AKAIN1: variants seen among roughly 807,000 people sequenced by gnomAD.
AKAIN1 encodes A-kinase anchor protein inhibitor 1.
AKAIN1 carries 3 observed loss-of-function variants against 3.7 expected under a neutral mutation model. The observed-to-expected ratio is 0.82, with a 90% CI of 0.37 to 2.12. AKAIN1 has a LOEUF of 2.12. Ranked by LOEUF, AKAIN1 falls within the 30% of genes most tolerant of loss-of-function variation. The pLI, the probability that AKAIN1 is intolerant of heterozygous loss-of-function variation, is 0.06. For missense variants in AKAIN1, 82 were observed against 82.7 expected (o/e 0.99, Z 0.03); for synonymous variants, 31 against 30.8 (o/e 1.01, Z -0.02).
rs1039900481 is a variant in AKAIN1, at chr18:5,192,583, C to T, written c.16+4455G>A. 7.6e-4 allele frequency among the ~76,000 whole-genome samples: 115 copies of T among 152,126 alleles called. 1 individual carries two copies. Among genetic ancestry groups the T allele is most frequent in the African/African-American group, 2.7e-3 (110 of 41,490 alleles). ...GAGAAAGTGGGCCCTCTCCACACAT[C>T]GAATCTGCCAACATCTTGGACTTGG... On this transcript the variant is annotated intron_variant, in intron 1 of 1. Coordinates refer to ENST00000434239, the MANE Select transcript of AKAIN1 (RefSeq NM_001145194.2).
At position 5,163,657 on chromosome 18, in the gene AKAIN1, A is replaced by G. The variant is rs190626410; in HGVS notation, c.17-17902T>C. The G allele has an allele frequency of 2.5e-3, 387 of 152,174 alleles. 3 individuals are homozygous for G. Among genetic ancestry groups the G allele is most frequent in the African/African-American group, 8.9e-3 (369 of 41,556 alleles). 9.4% of individuals were successfully genotyped at this position (152,174 alleles called of 1,614,324 possible). On this transcript the variant is annotated intron_variant, in intron 1 of 1. Coordinates refer to ENST00000434239, the MANE Select transcript of AKAIN1 (RefSeq NM_001145194.2). ...ATATGCTTGAAATTCCTTGTATGTT[A>G]AAGTCATGTTGTCTTCTTGGCAGCC...
chr18:5,182,363 T>A lies in AKAIN1; in HGVS notation c.16+14675A>T, dbSNP rs73943141. On this transcript the variant is annotated intron_variant, in intron 1 of 1. Transcript: ENST00000434239. ...CTCTTTAAAACAACAATAACATCAG[T>A]AATAGCTTCCATTTAGCCGACCGTG... 7.8e-3 allele frequency among the ~76,000 whole-genome samples: 1,185 copies of A among 152,236 alleles called. 12 individuals carry two copies. The highest frequency in any genetic ancestry group is 0.026 in the African/African-American group (1,095 of 41,562).
chr18:5,192,427 TTCTTTCTTTCTTTC>T (rs1267990463), intron 1 of AKAIN1, among the ~76,000 whole-genome samples: 245 of 119,754 alleles, frequency 2.0e-3, no homozygotes, highest in Middle Eastern at 7.6e-3. Context: ...CTTTCTTTCT[TTCTTTCTTTCTTTC>T]TTTCTTTTTC....
At chr18:5,186,099 T>G (rs183088198) in intron 1 of AKAIN1, among the ~76,000 whole-genome samples, 3 of 152,260 alleles carry the variant, frequency 2.0e-5, no homozygotes, top group Non-Finnish European at 2.9e-5. Flanking sequence ...GAGGCCATTA[T>G]CATAAGTAAA....
At chr18:5,151,142 C>A (rs1168257140) in intron 1 of AKAIN1, among the ~76,000 whole-genome samples, 1 of 152,174 alleles carries the variant, frequency 6.6e-6, no homozygotes, top group Non-Finnish European at 1.5e-5. Flanking sequence ...TGCACACACA[C>A]TGTAATACAC....
intron 1 of AKAIN1, among the ~76,000 whole-genome samples, chr18:5,195,242 C>G (rs557351247): frequency 6.6e-6 from 1 of 152,284 alleles, no homozygotes; most frequent in South Asian, 2.1e-4. Flanking sequence ...ACTTTCCACA[C>G]AGAACAAAAC....
At chr18:5,149,538 G>A (rs145452076) in intron 1 of AKAIN1, among the ~76,000 whole-genome samples, 10 of 152,272 alleles carry the variant, frequency 6.6e-5, no homozygotes, top group Non-Finnish European at 1.2e-4. Flanking sequence ...TGCCATGAGC[G>A]AGCCTCGTCT....
rs566242033 is a variant in AKAIN1 at position 5,181,858 on chromosome 18, T to C, written c.16+15180A>G. Among the ~76,000 whole-genome samples, 5 of 152,244 alleles carry C rather than the reference T, an allele frequency of 3.3e-5. No homozygotes were observed. The South Asian group carries it at 1.0e-3, about 32-fold the overall frequency. ...CTGGCTCTGATATAAGACCACAGGA[T>C]GGTAATGTAGGTCCTAATACCTCAC... On this transcript the variant is annotated intron_variant, in intron 1 of 1. Coordinates refer to ENST00000434239, the MANE Select transcript of AKAIN1 (RefSeq NM_001145194.2).
intron 1 of AKAIN1, chr18:5,170,571 A>G (rs1419918776): frequency 6.6e-6 from 1 of 152,112 alleles, no homozygotes; most frequent in Non-Finnish European, 1.5e-5. Context: ...CTTATATTTT[A>G]TGTGTGTGTT....
At chr18:5,179,575 T>C (rs1782229831) in intron 1 of AKAIN1, among the ~76,000 whole-genome samples, 1 of 152,140 alleles carries the variant, frequency 6.6e-6, no homozygotes, top group Admixed American at 6.6e-5. Flanking sequence ...AATGATTTAT[T>C]TTCCTTTAGG....
At chr18:5,169,963 T>A (rs565981129) in intron 1 of AKAIN1, among the ~76,000 whole-genome samples, 5 of 152,286 alleles carry the variant, frequency 3.3e-5, no homozygotes, top group African/African-American at 1.2e-4. Flanking sequence ...TTTTAATAAC[T>A]ATAACCATTT....
In AKAIN1 at chr18:5,143,673, G is replaced by C. The variant is rs1446908602; in HGVS notation, c.*1889C>G. Among the ~76,000 whole-genome samples the C allele has an allele frequency of 5.9e-5, 9 of 152,152 alleles. No individual in the cohort carries two copies. Among genetic ancestry groups the C allele is most frequent in the Admixed American group, 5.9e-4 (9 of 15,280 alleles). On this transcript the variant is annotated 3_prime_UTR_variant, in exon 2 of 2. Transcript: ENST00000434239. ...CAAACGGCAGAGTCTAGAAAACTTT[G>C]CTTAAGATATTTCAAAGCTGTATGT...
intron 1 of AKAIN1, among the ~76,000 whole-genome samples, chr18:5,182,726 A>T (rs2071265400): frequency 6.6e-6 from 1 of 152,102 alleles, no homozygotes; most frequent in South Asian, 2.1e-4. Context: ...TGCTTTCAAA[A>T]CTACAAAGCA....
intron 1 of AKAIN1, among the ~76,000 whole-genome samples, chr18:5,191,515 C>T (rs775276492): frequency 3.9e-5 from 6 of 152,050 alleles, no homozygotes; most frequent in Admixed American, 2.6e-4. Context: ...CTAAGAGACA[C>T]ATCTGTTTAT....
intron 1 of AKAIN1, among the ~76,000 whole-genome samples, chr18:5,182,915 T>C (rs2071266380): frequency 6.6e-6 from 1 of 152,040 alleles, no homozygotes; most frequent in Non-Finnish European, 1.5e-5. Context: ...ATCCTCTAAC[T>C]CTGAAGAAAA....
chr18:5,187,122 T>C (rs1273684909), intron 1 of AKAIN1, among the ~76,000 whole-genome samples: 1 of 151,974 alleles, frequency 6.6e-6, no homozygotes, highest in Non-Finnish European at 1.5e-5. Context: ...AGTTTTGTCT[T>C]AAGTCAAGAA....
At chr18:5,193,156 TTC>T (rs1179349681) in intron 1 of AKAIN1, among the ~76,000 whole-genome samples, 1 of 152,224 alleles carries the variant, frequency 6.6e-6, no homozygotes, top group East Asian at 1.9e-4. Flanking sequence ...TATTTGGAAA[TTC>T]TTTCTAGAAA....
intron 1 of AKAIN1, among the ~76,000 whole-genome samples, chr18:5,182,717 G>T (rs768575224): frequency 7.2e-5 from 11 of 152,032 alleles, no homozygotes; most frequent in Non-Finnish European, 1.5e-4. Flanking sequence ...TAACATAAAT[G>T]CTTTCAAAAC....
chr18:5,157,936 C>T (rs1405677929), intron 1 of AKAIN1, among the ~76,000 whole-genome samples: 1 of 152,122 alleles, frequency 6.6e-6, no homozygotes, highest in African/African-American at 2.4e-5. Context: ...TCAAGTGATC[C>T]TCCTGCTTCC....
Sources: gnomAD v4.1 joint callset for allele counts (sites outside exome capture counted in the v4.1 genomes callset) on GRCh38, gnomAD v4.1.1 for gene constraint, MANE v1.5 for transcripts, NCBI Gene and HGNC (gene_info 2026-07-23, HGNC 2026-07-21) for gene names.